CAPZB: variants seen among roughly 807,000 people sequenced by gnomAD.
CAPZB encodes capping actin protein of muscle Z-line subunit beta.
In CAPZB, 2 loss-of-function variants were observed where a neutral mutation model predicts 38.1. The ratio of observed to expected loss-of-function variants is 0.05; its 90% CI spans 0.02 to 0.17. The LOEUF is 0.17. Ranked by LOEUF, CAPZB falls within the 10% of genes least tolerant of loss-of-function variation. CAPZB has a pLI of 1.00. For synonymous variants in CAPZB, 107 were observed against 127.4 expected, an observed-to-expected ratio of 0.84 and a Z score of 1.08; for missense variants, 161 against 334.2, an observed-to-expected ratio of 0.48 and a Z score of 4.04.
intron 4 of CAPZB, among the ~76,000 whole-genome samples, chr1:19,359,126 A>AT (rs2094038175): frequency 6.6e-6 from 1 of 151,426 alleles, no homozygotes; most frequent in South Asian, 2.1e-4. Flanking sequence ...GTATCTGTAG[A>AT]TTATGTCTCA....
intron 1 of CAPZB, among the ~76,000 whole-genome samples, chr1:19,466,330 C>T (rs989686206): frequency 2.6e-5 from 4 of 152,214 alleles, no homozygotes; most frequent in African/African-American, 9.7e-5. Flanking sequence ...AGGCTGCTTC[C>T]TTGGCTAATA....
At chr1:19,479,034 C>T (rs796640442) in intron 1 of CAPZB, among the ~76,000 whole-genome samples, 13 of 152,210 alleles carry the variant, frequency 8.5e-5, no homozygotes, top group African/African-American at 3.1e-4. Flanking sequence ...CATGGTGAAA[C>T]CCTGTCTCTA....
At chr1:19,484,382 C>T (rs1342202661) in intron 1 of CAPZB, 2 of 1,535,562 alleles carry the variant, frequency 1.3e-6, no homozygotes, top group Admixed American at 2.0e-5. Context: ...GCCACCCATC[C>T]TCGCCCCTCG....
chr1:19,459,981 T>A (rs2094545439), intron 1 of CAPZB, among the ~76,000 whole-genome samples: 1 of 151,958 alleles, frequency 6.6e-6, no homozygotes, highest in Non-Finnish European at 1.5e-5. Context: ...AGCGCAAGAG[T>A]AGTGATGCTG....
chr1:19,356,597 G>A lies in CAPZB; in HGVS notation c.588+38C>T, dbSNP rs2094022202. 4 of 1,362,186 alleles carry A rather than the reference G, an allele frequency of 2.9e-6. No homozygotes were observed. In the South Asian group the frequency reaches 4.6e-5, roughly 16 times the overall value. 84.4% of individuals were successfully genotyped at this position (1,362,186 alleles called of 1,614,324 possible). On this transcript the variant is annotated intron_variant, in intron 6 of 8. Coordinates refer to ENST00000264202, the MANE Select transcript of CAPZB (RefSeq NM_004930.5). This position sits in a 1 kb window ranked among gnomAD's most constrained non-coding sequence, Gnocchi z 4.3. ...CAGGTCAGCACTGAGGCCAGCACCTGTGGGCACTGGCAAGTGGCTATGAGC... is the reference window on the plus strand; with the variant it reads ...CAGGTCAGCACTGAGGCCAGCACCTATGGGCACTGGCAAGTGGCTATGAGC...
intron 1 of CAPZB, among the ~76,000 whole-genome samples, chr1:19,442,009 CAAAA>C (rs11384902): frequency 1.2e-5 from 1 of 86,056 alleles, no homozygotes; most frequent in Non-Finnish European, 2.1e-5. Context: ...ACTCTGTCTC[CAAAA>C]AAAAAAAAAA....
At chr1:19,484,793 G>C in intron 1 of CAPZB, 1 of 810,614 alleles carries the variant, frequency 1.2e-6, no homozygotes, top group African/African-American at 1.8e-5. Flanking sequence ...ATCATGGTGG[G>C]GAGGGGGCAG....
chr1:19,442,984 G>T (rs892683182), intron 1 of CAPZB, among the ~76,000 whole-genome samples: 1 of 152,106 alleles, frequency 6.6e-6, no homozygotes, highest in Non-Finnish European at 1.5e-5. Flanking sequence ...GAGTGAACAC[G>T]TAGATGTCTA....
chr1:19,468,993 TCTGA>T (rs1309347022), intron 1 of CAPZB, among the ~76,000 whole-genome samples: 3 of 152,232 alleles, frequency 2.0e-5, no homozygotes, highest in Non-Finnish European at 1.5e-5. Context: ...TGTCCGTCTG[TCTGA>T]CTGGCTCCCA....
chr1:19,432,804 C>T (rs75677337), intron 1 of CAPZB, among the ~76,000 whole-genome samples: 3,956 of 152,348 alleles, frequency 0.026, 71 homozygotes, highest in African/African-American at 0.041. Flanking sequence ...ATGTTAAACA[C>T]TCCCAATGAA....
In CAPZB at chr1:19,351,907, C is replaced by T. The variant is rs796437789; in HGVS notation, c.588+4728G>A. On this transcript the variant is annotated intron_variant, in intron 6 of 8. Coordinates refer to ENST00000264202, the MANE Select transcript of CAPZB (RefSeq NM_004930.5). ...ACAGCACGGGATGGTTGTGGGGAGC[C>T]TGTCTCAGGCCAGCTTTCCTTCTCA... Among the ~76,000 whole-genome samples, 66 of 152,320 alleles carry T rather than the reference C, an allele frequency of 4.3e-4. 3 individuals are homozygous for T. Among genetic ancestry groups the T allele is most frequent in the African/African-American group, 1.5e-3 (62 of 41,562 alleles).
chr1:19,379,495 C>T (rs1000885693), intron 3 of CAPZB, among the ~76,000 whole-genome samples: 7 of 152,200 alleles, frequency 4.6e-5, no homozygotes, highest in African/African-American at 1.2e-4. Flanking sequence ...ACATAGTAAG[C>T]GTTAAGAAGA....
intron 1 of CAPZB, among the ~76,000 whole-genome samples, chr1:19,453,637 G>A (rs2094523877): frequency 1.3e-5 from 2 of 152,062 alleles, no homozygotes; most frequent in South Asian, 4.2e-4. Flanking sequence ...CTCCCACCTG[G>A]AAGGCCTCTC....
At chr1:19,469,870 G>C (rs1340033875) in intron 1 of CAPZB, among the ~76,000 whole-genome samples, 3 of 152,018 alleles carry the variant, frequency 2.0e-5, no homozygotes, top group African/African-American at 7.2e-5. Context: ...CCCAGGTCGG[G>C]GGGTATTCCA....
chr1:19,363,921 T>C (rs1317334041), intron 4 of CAPZB, among the ~76,000 whole-genome samples: 1 of 152,228 alleles, frequency 6.6e-6, no homozygotes, highest in Non-Finnish European at 1.5e-5. Context: ...AGGACAGACC[T>C]GCTGGGAGCA....
intron 1 of CAPZB, among the ~76,000 whole-genome samples, chr1:19,459,721 G>A (rs758499912): frequency 2.0e-5 from 3 of 152,136 alleles, no homozygotes; most frequent in African/African-American, 4.8e-5. Flanking sequence ...ATTACCCACA[G>A]TCAACAGTGG....
intron 1 of CAPZB, among the ~76,000 whole-genome samples, chr1:19,420,608 G>A (rs530263714): frequency 9.3e-5 from 14 of 150,860 alleles, no homozygotes; most frequent in African/African-American, 2.4e-4. Flanking sequence ...TTGGGGGGGA[G>A]GGGGGGAACA....
intron 2 of CAPZB, among the ~76,000 whole-genome samples, chr1:19,416,705 A>T (rs558852751): frequency 8.6e-5 from 13 of 151,962 alleles, no homozygotes; most frequent in East Asian, 3.9e-4. Flanking sequence ...AAAACATTTT[A>T]AAAAATTGGC....
chr1:19,414,751 T>C (rs2094371892), intron 2 of CAPZB, among the ~76,000 whole-genome samples: 2 of 152,166 alleles, frequency 1.3e-5, no homozygotes, highest in Admixed American at 1.3e-4. Flanking sequence ...AGTAAGGCCA[T>C]AGAAGGGCCA....
Sources: gnomAD v4.1 joint callset for allele counts (sites outside exome capture counted in the v4.1 genomes callset) on GRCh38, gnomAD v4.1.1 for gene constraint, Gnocchi (gnomAD v3.1) non-coding constraint, MANE v1.5 for transcripts, NCBI Gene and HGNC (gene_info 2026-07-23, HGNC 2026-07-21) for gene names.